Variants in MED10 observed in about 807,000 individuals in gnomAD.
MED10 encodes mediator of RNA polymerase II transcription subunit 10.
A neutral mutation model predicts 17.2 loss-of-function variants in MED10; 9 were observed. That is an observed-to-expected ratio of 0.52 (90% CI 0.31 to 0.91). The LOEUF is 0.91. MED10 is among the 40% of genes least tolerant of loss of function. The pLI is 0.04. For missense variants in MED10, 129 were observed against 164.8 expected, an observed-to-expected ratio of 0.78 and a Z score of 1.19; for synonymous variants, 66 against 59.8, an observed-to-expected ratio of 1.10 and a Z score of -0.48.
At chr5:6,372,675 G>T in intron 3 of MED10, 74 bp from the exon 4 acceptor site, 1 of 1,295,384 alleles carries the variant, frequency 7.7e-7, no homozygotes, top group Non-Finnish European at 1.1e-6. Flanking sequence ...ATGCCTTTTG[G>T]AAGTTTAAAC....
At chr5:6,376,837 T>C (rs1486295153) in intron 2 of MED10, 1 of 172,298 alleles carries the variant, frequency 5.8e-6, no homozygotes, top group East Asian at 1.5e-4. Context: ...GAAAGTTTTG[T>C]GGCTGTTCTT....
Position 6,378,514 on chromosome 5 carries a change from T to C in MED10, c.-31A>G. On this transcript the variant is annotated 5_prime_UTR_variant, in exon 1 of 4. Coordinates refer to ENST00000255764, the MANE Select transcript of MED10 (RefSeq NM_032286.3). Reference sequence around the variant, plus strand: ...CGGCCCGTCCCCGACCCACACAGCCTCAACCAGCAGCGCCGCAGGCGTGGC... The same window carrying C: ...CGGCCCGTCCCCGACCCACACAGCCCCAACCAGCAGCGCCGCAGGCGTGGC... 1 of 1,596,002 alleles carries C rather than the reference T, an allele frequency of 6.3e-7. No individual in the cohort carries two copies. Among genetic ancestry groups the C allele is most frequent in the Non-Finnish European group, 8.5e-7 (1 of 1,169,834 alleles).
At chr5:6,374,819 C>T (rs914614121) in intron 2 of MED10, 18 of 178,286 alleles carry the variant, frequency 1.0e-4, no homozygotes, top group Non-Finnish European at 1.9e-4. Flanking sequence ...AAATGAGATC[C>T]AGGGGTTCGG....
chr5:6,378,508 A>G lies in MED10; in HGVS notation c.-25T>C, dbSNP rs1431327391. 22 of 1,602,738 alleles carry G rather than the reference A, an allele frequency of 1.4e-5. No homozygotes were observed. Among genetic ancestry groups the G allele is most frequent in the Non-Finnish European group, 1.9e-5 (22 of 1,174,036 alleles). On this transcript the variant is annotated 5_prime_UTR_variant, in exon 1 of 4. Transcript: ENST00000255764. ...TCGCCTCGGCCCGTCCCCGACCCAC[A>G]CAGCCTCAACCAGCAGCGCCGCAGG...
intron 2 of MED10, among the ~76,000 whole-genome samples, chr5:6,376,474 T>G (rs138340132): frequency 2.9e-4 from 44 of 152,326 alleles, no homozygotes; most frequent in African/African-American, 1.1e-3. Context: ...CCTATTGCAG[T>G]TACTTATCAG....
In MED10 at chr5:6,374,376, T is replaced by C; in HGVS notation, c.257A>G (p.Glu86Gly). Residue 86 changes from glutamate to glycine, a missense_variant, in exon 3 of 4, where the codon GAG (glutamate) becomes GGG (glycine). Physicochemically the swap from Glu to Gly is moderately conservative, Grantham distance 98. Coordinates refer to ENST00000255764, the MANE Select transcript of MED10 (RefSeq NM_032286.3). ...NPQLYTKECL[E>G]RALAKNEQVK... ...TTGCTCATTTTTAGCTAGAGCCCTC[T>C]CCAGGCACTCTTTGGTGTAGAGCTG... The C allele has an allele frequency of 6.2e-7, 1 of 1,614,106 alleles. No homozygotes were observed. Among genetic ancestry groups the C allele is most frequent in the Non-Finnish European group, 8.5e-7 (1 of 1,179,966 alleles).
At position 6,376,939 on chromosome 5, in the gene MED10, T is replaced by A. The variant is rs559974456; in HGVS notation, c.206+227A>T. 156 of 377,748 alleles carry A rather than the reference T, an allele frequency of 4.1e-4. 2 individuals carry two copies. The highest frequency in any genetic ancestry group is 2.9e-3 in the African/African-American group (138 of 48,390). 23.4% of individuals were successfully genotyped at this position (377,748 alleles called of 1,614,324 possible). A position where few individuals can be genotyped will look rare whatever the true frequency, so the allele number is the denominator to read the frequency against. On this transcript the variant is annotated intron_variant, in intron 2 of 3. Transcript: ENST00000255764. ...TAACTTTTTTTCCACAATAGAATAT[T>A]AAGGATATTCTTTTTTTTCGTTTTG... is the stretch of plus-strand genomic sequence containing the variant.
At chr5:6,374,221 A>G in intron 3 of MED10, 103 bp downstream of exon 3, 1 of 757,518 alleles carries the variant, frequency 1.3e-6, no homozygotes, top group South Asian at 1.5e-5. Context: ...AAGTTATGAA[A>G]GTCAATATTC....
Position 6,372,441 on chromosome 5 carries a change from C to T in MED10, c.*62G>A. The T allele has an allele frequency of 7.1e-7, 1 of 1,410,878 alleles. No homozygotes were observed. Among genetic ancestry groups the T allele is most frequent in the African/African-American group, 1.4e-5 (1 of 70,970 alleles). The allele number at this position is 1,410,878 out of a possible 1,614,324, so 87.4% of individuals were successfully genotyped here. A position where few individuals can be genotyped will look rare whatever the true frequency, so the allele number is the denominator to read the frequency against. ...AGCAGGAAGGTGGCGTCAGCACTCGCAGTCCCAGCCTCACGCCGCATCGCA... is the reference window on the plus strand; with the variant it reads ...AGCAGGAAGGTGGCGTCAGCACTCGTAGTCCCAGCCTCACGCCGCATCGCA... On this transcript the variant is annotated 3_prime_UTR_variant, in exon 4 of 4. Transcript: ENST00000255764.
rs150490451 is a variant in MED10, at chr5:6,376,076, T to C, written c.206+1090A>G. Among the ~76,000 whole-genome samples, 11 of 152,328 alleles carry C rather than the reference T, an allele frequency of 7.2e-5. No individual in the cohort carries two copies. The East Asian group carries it at 2.1e-3, about 29-fold the overall frequency. On this transcript the variant is annotated intron_variant, in intron 2 of 3. Coordinates refer to ENST00000255764, the MANE Select transcript of MED10 (RefSeq NM_032286.3). ...AGCCAAAGCTGAGTCTGGAGCTACC[T>C]GAGGTGCAAGACCTTCGTCCCACCT...
intron 2 of MED10, 155 bp from the exon 3 acceptor site, chr5:6,374,581 C>T: frequency 1.7e-6 from 1 of 600,070 alleles, no homozygotes. Flanking sequence ...AATTAATATT[C>T]CCTCATTTAC....
At chr5:6,374,674 G>C in intron 2 of MED10, 1 of 432,854 alleles carries the variant, frequency 2.3e-6, no homozygotes, top group Non-Finnish European at 4.3e-6. Context: ...ATAAACCCAA[G>C]CACGCTTCAC....
rs2111438091 is a variant in MED10 at position 6,377,930 on chromosome 5, A to T, written c.122+432T>A. 1.3e-5 allele frequency among the ~76,000 whole-genome samples: 2 copies of T among 152,190 alleles called. 1 individual carries two copies. Among genetic ancestry groups the T allele is most frequent in the South Asian group, 4.1e-4 (2 of 4,820 alleles). On this transcript the variant is annotated intron_variant, in intron 1 of 3. Coordinates refer to ENST00000255764, the MANE Select transcript of MED10 (RefSeq NM_032286.3). ...AGGCCTATGCGGCAGGTGGCTTCGG[A>T]GCCTCACCTTCTGAGGCCTAGTTTA...
In MED10 at chr5:6,378,349, G is replaced by T; in HGVS notation, c.122+13C>A. The T allele has an allele frequency of 6.3e-7, 1 of 1,595,722 alleles. No homozygotes were observed. On this transcript the variant is annotated intron_variant, in intron 1 of 3. Transcript: ENST00000255764. ...CCCTGGGGAGACCCCGGCAGCCTCG[G>T]GCCGCCACTCACAGCTTTTGGTTGA...
chr5:6,378,290 T>A, intron 1 of MED10, 72 bp downstream of exon 1: 1 of 1,469,902 alleles, frequency 6.8e-7, no homozygotes, highest in Non-Finnish European at 9.0e-7. Context: ...GCTCCCTAGA[T>A]CCCCGCTCCC....
Position 6,372,442 on chromosome 5 carries a change from A to AGTCCCAGCCTCACGCC in MED10, c.*45_*60dup. 7.1e-7 allele frequency: 1 copy of AGTCCCAGCCTCACGCC among 1,415,632 alleles called. No homozygotes were observed. Among genetic ancestry groups the AGTCCCAGCCTCACGCC allele is most frequent in the Non-Finnish European group, 1.0e-6 (1 of 1,000,368 alleles). The allele number at this position is 1,415,632 out of a possible 1,614,324, so 87.7% of individuals were successfully genotyped here. A position where few individuals can be genotyped will look rare whatever the true frequency, so the allele number is the denominator to read the frequency against. ...GCAGGAAGGTGGCGTCAGCACTCGCAGTCCCAGCCTCACGCCGCATCGCAG... is the reference window on the plus strand; with the variant it reads ...GCAGGAAGGTGGCGTCAGCACTCGCAGTCCCAGCCTCACGCCGTCCCAGCCTCACGCCGCATCGCAG... On this transcript the variant is annotated 3_prime_UTR_variant, in exon 4 of 4. Coordinates refer to ENST00000255764, the MANE Select transcript of MED10 (RefSeq NM_032286.3).
intron 2 of MED10, among the ~76,000 whole-genome samples, chr5:6,375,295 AAAC>A (rs1246560527): frequency 6.6e-6 from 1 of 152,234 alleles, no homozygotes; most frequent in Non-Finnish European, 1.5e-5. Context: ...AAAAAACAAA[AAAC>A]AAAAACTGAA....
chr5:6,372,440 G>T lies in MED10; in HGVS notation c.*63C>A. On this transcript the variant is annotated 3_prime_UTR_variant, in exon 4 of 4. Coordinates refer to ENST00000255764, the MANE Select transcript of MED10 (RefSeq NM_032286.3). The stretch of plus-strand genomic sequence containing the variant: ...CAGCAGGAAGGTGGCGTCAGCACTC[G>T]CAGTCCCAGCCTCACGCCGCATCGC... 7.1e-7 allele frequency: 1 copy of T among 1,399,802 alleles called. No homozygotes were observed. The highest frequency in any genetic ancestry group is 1.0e-6 in the Non-Finnish European group (1 of 986,456). The allele number at this position is 1,399,802 out of a possible 1,614,324, so 86.7% of individuals were successfully genotyped here.
intron 3 of MED10, 34 bp from the exon 4 acceptor site, chr5:6,372,635 C>T (rs1296407894): frequency 5.3e-6 from 8 of 1,504,858 alleles, no homozygotes; most frequent in Non-Finnish European, 6.5e-6. Flanking sequence ...AGGAGCTCTT[C>T]ACATCAACAC....
Sources: allele counts gnomAD v4.1 joint callset (sites outside exome capture counted in the v4.1 genomes callset), GRCh38; gene constraint gnomAD v4.1.1; transcripts MANE v1.5; gene names NCBI Gene and HGNC (gene_info 2026-07-23, HGNC 2026-07-21).